PSME4: variants seen among roughly 807,000 people sequenced by gnomAD.
PSME4 encodes the protein proteasome activator complex subunit 4.
PSME4 carries 89 observed loss-of-function variants against 253.9 expected under a neutral mutation model. That is an observed-to-expected ratio of 0.35 (90% CI 0.30 to 0.42). The LOEUF (loss-of-function observed/expected upper bound fraction) is 0.42, where lower values mean the gene tolerates loss of function less well. Among genes scored for constraint, PSME4 ranks in the 10% least tolerant of loss-of-function variants. The pLI is 1.00. For missense variants in PSME4, 2,014 were observed against 2,195.2 expected (o/e 0.92, Z 1.65); for synonymous variants, 851 against 759.2 (o/e 1.12, Z -1.99).
chr2:53,969,644 A>G (rs1281855049), intron 1 of PSME4, among the ~76,000 whole-genome samples: 2 of 148,314 alleles, frequency 1.3e-5, no homozygotes, highest in African/African-American at 2.5e-5. Flanking sequence ...ATGCCCATCC[A>G]GCAAGTAAAT....
intron 41 of PSME4, among the ~76,000 whole-genome samples, chr2:53,881,869 C>T (rs181278206): frequency 3.3e-5 from 5 of 152,208 alleles, no homozygotes; most frequent in Admixed American, 3.3e-4. Flanking sequence ...CAGGCGTGAG[C>T]CACTGTGCCC....
At chr2:53,930,863 T>C (rs778137073) in intron 10 of PSME4, among the ~76,000 whole-genome samples, 2 of 152,220 alleles carry the variant, frequency 1.3e-5, no homozygotes, top group African/African-American at 4.8e-5. Flanking sequence ...ACATTCCTCC[T>C]CTATATTTGA....
At chr2:53,937,242 G>C in intron 5 of PSME4, 149 bp downstream of exon 5, 2 of 725,344 alleles carry the variant, frequency 2.8e-6, no homozygotes, top group South Asian at 4.8e-5. Flanking sequence ...AACCGTTTTA[G>C]CCTTAACACA....
At chr2:53,890,020 T>G in intron 37 of PSME4, 84 bp downstream of exon 37, 1 of 1,037,776 alleles carries the variant, frequency 9.6e-7, no homozygotes, top group Admixed American at 2.2e-5. Context: ...TTAAGAAGTG[T>G]TATGAGATTT....
At chr2:53,924,418 G>C (rs1198254127) in intron 14 of PSME4, among the ~76,000 whole-genome samples, 1 of 152,294 alleles carries the variant, frequency 6.6e-6, no homozygotes, top group East Asian at 1.9e-4. Flanking sequence ...AAAGGCTACA[G>C]ATAATAGGTA....
chr2:53,884,129 CTAGTAT>C (rs1353783922), intron 41 of PSME4, among the ~76,000 whole-genome samples: 9 of 152,234 alleles, frequency 5.9e-5, no homozygotes, highest in African/African-American at 2.2e-4. Flanking sequence ...GCATGATGGT[CTAGTAT>C]TAGTATATCG....
Position 53,869,386 on chromosome 2 carries a change from A to G in PSME4, c.5253T>C (p.Ile1751=). 6.2e-7 allele frequency: 1 copy of G among 1,606,484 alleles called. No individual in the cohort carries two copies. Among genetic ancestry groups the G allele is most frequent in the Non-Finnish European group, 8.5e-7 (1 of 1,174,586 alleles). The change falls in exon 44 of 47, where the codon ATT becomes ATC. Residue 1751 remains isoleucine, a synonymous_variant. Transcript: ENST00000404125. ...KRDPGSVGDT[I]PSAELVKRHA... The stretch of plus-strand genomic sequence containing the variant: ...TACCAGCAATGTTACCTGCAGAAGG[A>G]ATGGTATCTCCTACAGAACCAGGGT...
At chr2:53,915,970 G>T (rs1668042601) in intron 20 of PSME4, among the ~76,000 whole-genome samples, 1 of 152,158 alleles carries the variant, frequency 6.6e-6, no homozygotes, top group African/African-American at 2.4e-5. Context: ...GGCTACTTGA[G>T]AATGTGAGGC....
intron 1 of PSME4, among the ~76,000 whole-genome samples, chr2:53,950,782 G>C (rs1309996991): frequency 6.6e-6 from 1 of 150,588 alleles, no homozygotes; most frequent in Non-Finnish European, 1.5e-5. Flanking sequence ...CGGAGGTTGC[G>C]GTGAGCCAAG....
In PSME4 at chr2:53,868,571, ATT is replaced by A. The variant is rs1480899984; in HGVS notation, c.5263+803_5263+804del. ...TATATTTATAATATATATAATATAT[ATT>A]ATAAAATATATTTATAATATATATA... On this transcript the variant is annotated intron_variant, in intron 44 of 46. Coordinates refer to ENST00000404125, the MANE Select transcript of PSME4 (RefSeq NM_014614.3). Among the ~76,000 whole-genome samples, 259 of 120,178 alleles carry A rather than the reference ATT, an allele frequency of 2.2e-3. 2 individuals carry two copies. The highest frequency in any genetic ancestry group is 7.9e-3 in the African/African-American group (251 of 31,584). 78.8% of individuals were successfully genotyped at this position (120,178 alleles called of 152,430 possible). A position where few individuals can be genotyped will look rare whatever the true frequency, so the allele number is the denominator to read the frequency against.
chr2:53,894,798 T>G (rs190293171), intron 34 of PSME4, among the ~76,000 whole-genome samples: 9 of 152,290 alleles, frequency 5.9e-5, no homozygotes, highest in Non-Finnish European at 1.0e-4. Flanking sequence ...TAACTCAGTC[T>G]TAGATACATC....
intron 20 of PSME4, among the ~76,000 whole-genome samples, chr2:53,917,002 T>C (rs1668090450): frequency 6.6e-6 from 1 of 151,738 alleles, no homozygotes; most frequent in African/African-American, 2.4e-5. Context: ...TAAAAATACG[T>C]ATTATTCAAT....
intron 38 of PSME4, among the ~76,000 whole-genome samples, chr2:53,888,514 A>G (rs1352918366): frequency 6.6e-6 from 1 of 152,218 alleles, no homozygotes; most frequent in Non-Finnish European, 1.5e-5. Flanking sequence ...TAAATTGCTC[A>G]GGTTGCCTAC....
At chr2:53,902,221 A>C (rs1680435404) in intron 27 of PSME4, among the ~76,000 whole-genome samples, 1 of 152,200 alleles carries the variant, frequency 6.6e-6, no homozygotes, top group African/African-American at 2.4e-5. Flanking sequence ...TAGAGTCTGA[A>C]GTTTGGTGTT....
At chr2:53,876,198 G>A (rs531268543) in intron 41 of PSME4, among the ~76,000 whole-genome samples, 1 of 152,210 alleles carries the variant, frequency 6.6e-6, no homozygotes, top group East Asian at 1.9e-4. Flanking sequence ...CAGGTTTAAG[G>A]TAATGACCAC....
At chr2:53,893,616 C>T (rs1358027002) in intron 35 of PSME4, 58 bp downstream of exon 35, 1 of 1,584,448 alleles carries the variant, frequency 6.3e-7, no homozygotes, top group African/African-American at 1.4e-5. Context: ...AAGTTATGAA[C>T]CTACGAACTG....
intron 1 of PSME4, among the ~76,000 whole-genome samples, chr2:53,954,194 G>A (rs1041705255): frequency 1.3e-5 from 2 of 152,162 alleles, no homozygotes; most frequent in Non-Finnish European, 1.5e-5. Context: ...CGGGTGTGGC[G>A]GCACGCGCCT....
chr2:53,914,523 T>C (rs1237567830), intron 20 of PSME4, among the ~76,000 whole-genome samples: 12 of 152,230 alleles, frequency 7.9e-5, no homozygotes, highest in African/African-American at 2.9e-4. Context: ...AAAAAATTTA[T>C]CCTTAATTAC....
intron 41 of PSME4, 43 bp downstream of exon 41, chr2:53,885,647 A>G: frequency 7.0e-7 from 1 of 1,420,118 alleles, no homozygotes. Context: ...ATTCCTTATG[A>G]AGGTCAAAAG....
Sources: gnomAD v4.1 joint callset for allele counts (sites outside exome capture counted in the v4.1 genomes callset) on GRCh38, gnomAD v4.1.1 for gene constraint, MANE v1.5 for transcripts, NCBI Gene and HGNC (gene_info 2026-07-23, HGNC 2026-07-21) for gene names.